SLC9A9: variants seen among roughly 807,000 people sequenced by gnomAD.
SLC9A9 encodes the protein solute carrier family 9 member A9.
SLC9A9 carries 62 observed loss-of-function variants against 77.8 expected under a neutral mutation model. That is an observed-to-expected ratio of 0.80 (90% CI 0.65 to 0.98). The LOEUF is 0.98. Ranked by LOEUF, SLC9A9 falls within the 50% of genes least tolerant of loss-of-function variation. The pLI is 0.00. For missense variants in SLC9A9, 775 were observed against 774.9 expected (o/e 1.00, Z 0.00); for synonymous variants, 320 against 283.5 (o/e 1.13, Z -1.29).
At chr3:143,724,806 T>A (rs1346588115) in intron 4 of SLC9A9, among the ~76,000 whole-genome samples, 1 of 152,168 alleles carries the variant, frequency 6.6e-6, no homozygotes, top group Admixed American at 6.5e-5. Context: ...ACAGAGTATT[T>A]AGAGACTTCC....
chr3:143,698,006 A>T (rs1343024615), intron 4 of SLC9A9: 1 of 152,194 alleles, frequency 6.6e-6, no homozygotes, highest in Non-Finnish European at 1.5e-5. Flanking sequence ...TTAATAAAAA[A>T]CCAATTAGTT....
At chr3:143,530,638 A>AAAAAC (rs199948357) in intron 9 of SLC9A9, among the ~76,000 whole-genome samples, 52 of 150,812 alleles carry the variant, frequency 3.4e-4, no homozygotes, top group East Asian at 1.2e-3. Context: ...CAGAAATCTG[A>AAAAAC]AAAACAAAAC....
intron 12 of SLC9A9, among the ~76,000 whole-genome samples, chr3:143,436,508 A>G (rs2034625567): frequency 6.6e-6 from 1 of 152,206 alleles, no homozygotes; most frequent in African/African-American, 2.4e-5. Context: ...TTCTGTTCTA[A>G]TGAGTCCCTT....
rs532185755 is a variant in SLC9A9 at position 143,382,119 on chromosome 3, TAAACAA to T, written c.1470-11_1470-6del. ...TCATCCAGGTCCACGCCAACTCTGTTAAACAAAACCAAAAACTGGTCAATCCCCTGC... is the reference window on the plus strand; with the variant it reads ...TCATCCAGGTCCACGCCAACTCTGTTAACCAAAAACTGGTCAATCCCCTGC... On this transcript the variant is annotated splice_region_variant and splice_polypyrimidine_tract_variant and intron_variant, in intron 12 of 15. Transcript: ENST00000316549. 1,834 of 1,614,034 alleles carry T rather than the reference TAAACAA, an allele frequency of 1.1e-3. 2 individuals carry two copies. Among genetic ancestry groups the T allele is most frequent in the Admixed American group, 2.9e-3 (173 of 60,014 alleles).
chr3:143,398,261 A>G (rs1224593336), intron 12 of SLC9A9, among the ~76,000 whole-genome samples: 1 of 152,224 alleles, frequency 6.6e-6, no homozygotes, highest in Non-Finnish European at 1.5e-5. Context: ...CTTGTTGAGG[A>G]TTAGGCCTTA....
intron 12 of SLC9A9, among the ~76,000 whole-genome samples, chr3:143,403,535 A>G (rs2033908340): frequency 6.6e-6 from 1 of 151,544 alleles, no homozygotes; most frequent in Non-Finnish European, 1.5e-5. Flanking sequence ...ATTGTCAGGC[A>G]GGTATGCTAA....
intron 5 of SLC9A9, among the ~76,000 whole-genome samples, chr3:143,685,488 T>C (rs1284019594): frequency 1.3e-5 from 2 of 152,176 alleles, no homozygotes; most frequent in Non-Finnish European, 2.9e-5. Flanking sequence ...TAGTTTTGAA[T>C]ACTGGATTAA....
At chr3:143,507,128 A>G (rs1288983804) in intron 9 of SLC9A9, among the ~76,000 whole-genome samples, 1 of 151,998 alleles carries the variant, frequency 6.6e-6, no homozygotes, top group Non-Finnish European at 1.5e-5. Flanking sequence ...CAAAATTGAG[A>G]GGAAGGTACA....
intron 12 of SLC9A9, among the ~76,000 whole-genome samples, chr3:143,439,967 C>G (rs1244705520): frequency 5.3e-5 from 8 of 152,214 alleles, no homozygotes. Flanking sequence ...AGAGACTGCC[C>G]TGGGGCTGAA....
At chr3:143,358,020 CT>C (rs1157523878) in intron 14 of SLC9A9, among the ~76,000 whole-genome samples, 2 of 111,084 alleles carry the variant, frequency 1.8e-5, no homozygotes, top group Non-Finnish European at 3.5e-5. Flanking sequence ...GAAGGTTTTT[CT>C]TTCCTTTTTT....
At chr3:143,503,047 C>T (rs1176277617) in intron 9 of SLC9A9, among the ~76,000 whole-genome samples, 1 of 152,010 alleles carries the variant, frequency 6.6e-6, no homozygotes, top group Non-Finnish European at 1.5e-5. Flanking sequence ...ACTTTTGCTC[C>T]TACGATTTAA....
intron 9 of SLC9A9, among the ~76,000 whole-genome samples, chr3:143,551,661 G>T (rs563474044): frequency 2.0e-5 from 3 of 152,302 alleles, no homozygotes; most frequent in Admixed American, 6.5e-5. Flanking sequence ...TCCTACTAAA[G>T]CTCCTTATGC....
chr3:143,482,827 C>A (rs2035594504), intron 11 of SLC9A9, among the ~76,000 whole-genome samples: 1 of 152,206 alleles, frequency 6.6e-6, no homozygotes, highest in Admixed American at 6.5e-5. Flanking sequence ...TTAATTTAAA[C>A]AACAGAGTGT....
At chr3:143,315,233 A>G (rs1032944971) in intron 14 of SLC9A9, among the ~76,000 whole-genome samples, 24 of 152,218 alleles carry the variant, frequency 1.6e-4, no homozygotes, top group African/African-American at 5.1e-4. Context: ...TCTTCTGGTC[A>G]TCTAACTAAT....
chr3:143,521,827 A>G (rs2036304687), intron 9 of SLC9A9, among the ~76,000 whole-genome samples: 1 of 152,096 alleles, frequency 6.6e-6, no homozygotes, highest in Admixed American at 6.6e-5. Flanking sequence ...TTAAGTATAT[A>G]TATGCAAACT....
intron 11 of SLC9A9, among the ~76,000 whole-genome samples, chr3:143,483,703 A>C (rs1307197459): frequency 6.6e-6 from 1 of 152,142 alleles, no homozygotes; most frequent in Non-Finnish European, 1.5e-5. Flanking sequence ...CAGAGAATCC[A>C]CTTCTGCTTG....
At chr3:143,657,927 C>T (rs902262440) in intron 5 of SLC9A9, among the ~76,000 whole-genome samples, 6 of 152,020 alleles carry the variant, frequency 3.9e-5, no homozygotes, top group Non-Finnish European at 7.4e-5. Context: ...AGTGCAGTGG[C>T]GCAATCTCAG....
Position 143,809,716 on chromosome 3 carries a change from T to C in SLC9A9, c.379-12813A>G, listed in dbSNP as rs570412340. ...TAAGCCTTTCATTAGTCTTTTAAGA[T>C]ACAAATCTTATGGACAAGCACTGCC... On this transcript the variant is annotated intron_variant, in intron 2 of 15. Coordinates refer to ENST00000316549, the MANE Select transcript of SLC9A9 (RefSeq NM_173653.4). 2.0e-5 allele frequency among the ~76,000 whole-genome samples: 3 copies of C among 152,362 alleles called. No individual in the cohort carries two copies. The South Asian group carries it at 6.2e-4, about 32-fold the overall frequency.
At chr3:143,515,361 A>G (rs907379929) in intron 9 of SLC9A9, among the ~76,000 whole-genome samples, 22 of 152,220 alleles carry the variant, frequency 1.4e-4, no homozygotes, top group African/African-American at 5.1e-4. Context: ...ATGCTGCTGG[A>G]AAGATGAGGC....
Sources: gnomAD v4.1 joint callset for allele counts (sites outside exome capture counted in the v4.1 genomes callset) on GRCh38, gnomAD v4.1.1 for gene constraint, MANE v1.5 for transcripts, NCBI Gene and HGNC (gene_info 2026-07-23, HGNC 2026-07-21) for gene names.